DOP1B: variants seen among roughly 807,000 people sequenced by gnomAD.
DOP1B encodes the protein protein DOP1B.
A neutral mutation model predicts 233.5 loss-of-function variants in DOP1B; 174 were observed. The ratio of observed to expected loss-of-function variants is 0.75; its 90% CI spans 0.66 to 0.85. DOP1B has a LOEUF of 0.85. Among genes scored for constraint, DOP1B ranks in the 40% least tolerant of loss-of-function variants. The pLI is 0.00. For missense variants in DOP1B, 2,652 were observed against 2,846.6 expected (o/e 0.93, Z 1.56); for synonymous variants, 1,190 against 1,185.6 (o/e 1.00, Z -0.08).
chr21:36,281,545 C>T lies in DOP1B; in HGVS notation c.6094C>T (p.Arg2032Cys), dbSNP rs539253723. The T allele has an allele frequency of 1.1e-4, 180 of 1,610,078 alleles. 1 individual carries two copies. Among genetic ancestry groups the T allele is most frequent in the South Asian group, 4.2e-4 (38 of 90,908 alleles). Residue 2032 changes from arginine to cysteine, a missense_variant, in exon 32 of 37, where the codon CGC becomes TGC. Arg to Cys is a radical substitution (Grantham distance 180). This residue lies in a region of DOP1B where 2,617 missense variants were observed against 2,794.3 expected (regional missense o/e 0.94). Coordinates refer to ENST00000691173, the MANE Select transcript of DOP1B (RefSeq NM_001320714.2). ...SFEQKAMLLK[R>C]QAFAVFSGEL... ...TGAACAGAAAGCCATGCTGTTAAAG[C>T]GCCAGGCTTTTGCTGTCTTCAGTGG...
intron 2 of DOP1B, among the ~76,000 whole-genome samples, chr21:36,168,745 C>A (rs1160695263): frequency 2.0e-5 from 3 of 151,948 alleles, no homozygotes; most frequent in African/African-American, 7.3e-5. Flanking sequence ...CTTGGCCAGG[C>A]TGGTCTCGAA....
intron 10 of DOP1B, among the ~76,000 whole-genome samples, chr21:36,219,798 A>G (rs1023200524): frequency 2.6e-5 from 4 of 151,724 alleles, no homozygotes; most frequent in African/African-American, 9.7e-5. Flanking sequence ...ATCAAGTATG[A>G]AACTCGTTTA....
rs755477088 is a variant in DOP1B, at chr21:36,225,523, G to T, written c.1371-42G>T. Reference sequence around the variant, plus strand: ...TAAGATTATAGGTGTGAGCCTCCATGCCTGGCCAAAGAATGGATTTTTTCT... The same window carrying T: ...TAAGATTATAGGTGTGAGCCTCCATTCCTGGCCAAAGAATGGATTTTTTCT... On this transcript the variant is annotated intron_variant, in intron 11 of 36. Transcript: ENST00000691173. 34 of 1,609,318 alleles carry T rather than the reference G, an allele frequency of 2.1e-5. No individual in the cohort carries two copies. In the South Asian group the frequency reaches 3.7e-4, roughly 18 times the overall value.
chr21:36,208,733 G>A lies in DOP1B; in HGVS notation c.510G>A (p.Leu170=). 1.2e-6 allele frequency: 2 copies of A among 1,613,614 alleles called. No homozygotes were observed. The highest frequency in any genetic ancestry group is 1.1e-5 in the South Asian group (1 of 91,020). The change falls in exon 5 of 37, where the codon CTG becomes CTA. Residue 170 remains leucine (L), a synonymous_variant. Coordinates refer to ENST00000691173, the MANE Select transcript of DOP1B (RefSeq NM_001320714.2). ...EISDRTDALL[L]RLSLVVGKEV... is the part of the protein sequence containing the mutation. The stretch of plus-strand genomic sequence containing the variant: ...TCAACAGAACGGATGCTCTGCTCCT[G>A]AGACTGTCGCTGGTGGTTGGCAAAG...
intron 16 of DOP1B, 50 bp downstream of exon 16, chr21:36,237,464 T>C (rs753903724): frequency 6.2e-5 from 99 of 1,606,260 alleles, no homozygotes; most frequent in South Asian, 5.2e-4. Context: ...CGGCCCCTGC[T>C]GTACGTGCCC....
intron 2 of DOP1B, among the ~76,000 whole-genome samples, chr21:36,190,725 A>G (rs1051181017): frequency 1.3e-5 from 2 of 152,186 alleles, no homozygotes; most frequent in African/African-American, 4.8e-5. Context: ...TGTGATATTT[A>G]TTCTATAGTT....
chr21:36,285,313 G>A (rs920729964), intron 32 of DOP1B, among the ~76,000 whole-genome samples: 2 of 152,136 alleles, frequency 1.3e-5, no homozygotes, highest in Non-Finnish European at 2.9e-5. Flanking sequence ...ACCCGCCTCA[G>A]CCTCCCAAAG....
rs1477289217 is a variant in DOP1B at position 36,208,862 on chromosome 21, C to T, written c.639C>T (p.Gly213=). 2.5e-6 allele frequency: 4 copies of T among 1,569,066 alleles called. No individual in the cohort carries two copies. The highest frequency in any genetic ancestry group is 3.5e-6 in the Non-Finnish European group (4 of 1,157,650). ...VVGHINRDAP[G]REQKYMLGTN... is the part of the protein sequence containing the mutation. Reference sequence around the variant, plus strand: ...GCCACATCAACAGGGATGCCCCCGGCCGGGAGCAGAAGTACATGCTGGGGA... The same window carrying T: ...GCCACATCAACAGGGATGCCCCCGGTCGGGAGCAGAAGTACATGCTGGGGA... The change falls in exon 5 of 37, where the codon GGC becomes GGT. Residue 213 remains glycine, a synonymous_variant. Transcript: ENST00000691173.
intron 9 of DOP1B, among the ~76,000 whole-genome samples, chr21:36,215,681 A>G (rs1466511876): frequency 6.7e-6 from 1 of 148,228 alleles, no homozygotes; most frequent in Non-Finnish European, 1.5e-5. Context: ...CTGGGATTAC[A>G]GGTGTGAGCC....
chr21:36,237,550 G>A (rs1361079350), intron 16 of DOP1B, 136 bp downstream of exon 16: 1 of 1,179,676 alleles, frequency 8.5e-7, no homozygotes, highest in South Asian at 1.5e-5. Context: ...ATAAGCAGAG[G>A]TGTTCTAGGA....
At chr21:36,173,032 A>G (rs1043782439) in intron 2 of DOP1B, among the ~76,000 whole-genome samples, 10 of 151,936 alleles carry the variant, frequency 6.6e-5, no homozygotes, top group Non-Finnish European at 1.3e-4. Flanking sequence ...AGGCAGGAGA[A>G]TCGCTTGAAC....
chr21:36,227,792 A>T lies in DOP1B; in HGVS notation c.1580A>T (p.His527Leu). 6.2e-7 allele frequency: 1 copy of T among 1,613,916 alleles called. No homozygotes were observed. Among genetic ancestry groups the T allele is most frequent in the Non-Finnish European group, 8.5e-7 (1 of 1,179,844 alleles). ...MEALSLPELT[H>L]ALKTCFKVLS... ...GCCTTAAGTTTACCTGAACTCACGC[A>T]TGCCTTGAAGACGTGTTTCAAGGTG... The change falls in exon 13 of 37, where the codon CAT (histidine) becomes CTT (leucine). Residue 527 changes from histidine (H) to leucine (L), a missense_variant. By Grantham distance (99) the His-to-Leu change is moderately conservative (BLOSUM62 -3). Transcript: ENST00000691173.
At chr21:36,283,482 A>T (rs915736255) in intron 32 of DOP1B, among the ~76,000 whole-genome samples, 2 of 152,232 alleles carry the variant, frequency 1.3e-5, no homozygotes, top group South Asian at 2.1e-4. Flanking sequence ...TTTAACTGAC[A>T]TAATTTCCGC....
At chr21:36,222,168 G>A (rs574791101) in intron 10 of DOP1B, among the ~76,000 whole-genome samples, 38 of 151,226 alleles carry the variant, frequency 2.5e-4, no homozygotes, top group Non-Finnish European at 5.3e-4. Flanking sequence ...TACCACACCC[G>A]GCCTTTTTCA....
intron 1 of DOP1B, among the ~76,000 whole-genome samples, chr21:36,162,212 T>A (rs2065875618): frequency 6.6e-6 from 1 of 152,192 alleles, no homozygotes; most frequent in African/African-American, 2.4e-5. Flanking sequence ...TTTATTTGTT[T>A]GAGACAGGGT....
chr21:36,169,654 C>T, intron 2 of DOP1B: 1 of 911,206 alleles, frequency 1.1e-6, no homozygotes, highest in Non-Finnish European at 1.8e-6. Flanking sequence ...GCTGGGCCTT[C>T]TTCTGGCGCA....
At position 36,239,949 on chromosome 21, in the gene DOP1B, T is replaced by C; in HGVS notation, c.3061T>C (p.Ser1021Pro). ...CATCCACTGCCTCAAGCAGGAGAACTCGGCCGGTGAGCAGCCTGCACAGGA... is the reference window on the plus strand; with the variant it reads ...CATCCACTGCCTCAAGCAGGAGAACCCGGCCGGTGAGCAGCCTGCACAGGA... ...TSIHCLKQEN[S>P]ADDLHRWFNR... The change falls in exon 18 of 37, where the codon TCG becomes CCG. Residue 1021 changes from serine (S) to proline (P), a missense_variant. Physicochemically the swap from Ser to Pro is moderately conservative, Grantham distance 74. Transcript: ENST00000691173. The C allele has an allele frequency of 6.2e-7, 1 of 1,608,844 alleles. No homozygotes were observed. The highest frequency in any genetic ancestry group is 8.5e-7 in the Non-Finnish European group (1 of 1,178,710).
chr21:36,203,581 A>G lies in DOP1B; in HGVS notation c.491+3080A>G, dbSNP rs532044833. ...AGACTCCATCTCAAAAAAGAAAAAA[A>G]GTGCTTGGGAATTGAGTGAAACACC... On this transcript the variant is annotated intron_variant, in intron 4 of 36. Coordinates refer to ENST00000691173, the MANE Select transcript of DOP1B (RefSeq NM_001320714.2). Among the ~76,000 whole-genome samples, 111 of 152,234 alleles carry G rather than the reference A, an allele frequency of 7.3e-4. 1 individual carries two copies. Among genetic ancestry groups the G allele is most frequent in the South Asian group, 7.0e-3 (34 of 4,830 alleles).
intron 5 of DOP1B, 96 bp from the exon 6 acceptor site, chr21:36,211,457 A>G: frequency 1.8e-6 from 2 of 1,115,114 alleles, no homozygotes; most frequent in Non-Finnish European, 2.7e-6. Flanking sequence ...TGAGTGATAT[A>G]ACGCAGGAGT....
Sources: allele counts gnomAD v4.1 joint callset (sites outside exome capture counted in the v4.1 genomes callset), GRCh38; gene constraint gnomAD v4.1.1; regional missense constraint gnomAD v4.1.1; transcripts MANE v1.5; gene names NCBI Gene and HGNC (gene_info 2026-07-23, HGNC 2026-07-21).